The following SPEF2 variants were observed in gnomAD, a reference collection of about 807,000 sequenced individuals.
The protein encoded by SPEF2 is sperm flagellar and cilia associated 2.
SPEF2 carries 187 observed loss-of-function variants against 224.6 expected under a neutral mutation model. That is an observed-to-expected ratio of 0.83 (90% confidence interval 0.74 to 0.94). The LOEUF is 0.94. SPEF2 is among the 40% of genes least tolerant of loss of function. SPEF2 has a pLI of 0.00. For synonymous variants in SPEF2, 715 were observed against 707.3 expected, an observed-to-expected ratio of 1.01 and a Z score of -0.17; for missense variants, 2,170 against 2,135.6, an observed-to-expected ratio of 1.02 and a Z score of -0.32.
chr5:35,777,234 T>C (rs76697015), intron 29 of SPEF2, among the ~76,000 whole-genome samples: 2,267 of 152,294 alleles, frequency 0.015, 50 homozygotes, highest in African/African-American at 0.053. Flanking sequence ...TATGGTTCGT[T>C]TTCTCTGGTC....
At chr5:35,700,471 CA>C in intron 15 of SPEF2, 24 bp from the exon 16 acceptor site, 1 of 1,588,220 alleles carries the variant, frequency 6.3e-7, no homozygotes, top group East Asian at 2.2e-5. Context: ...ACAAAATATT[CA>C]TGAGTTGTCC....
At chr5:35,732,153 A>G (rs1227153552) in intron 21 of SPEF2, among the ~76,000 whole-genome samples, 1 of 152,206 alleles carries the variant, frequency 6.6e-6, no homozygotes, top group Non-Finnish European at 1.5e-5. Context: ...TAGCCTTGAG[A>G]GCAAGGCTGG....
intron 23 of SPEF2, among the ~76,000 whole-genome samples, chr5:35,751,968 T>C (rs560921963): frequency 1.3e-5 from 2 of 152,218 alleles, no homozygotes; most frequent in South Asian, 2.1e-4. Context: ...TCCACAGATA[T>C]TGGTGAGGGG....
rs1374683875 is a variant in SPEF2 at position 35,644,459 on chromosome 5, G to C, written c.519G>C (p.Leu173Phe). Residue 173 changes from leucine to phenylalanine, a missense_variant, in exon 4 of 37, where the codon TTG becomes TTC. Transcript: ENST00000356031. ...YKHVKEDLAH[L>F]HFEKLERFQK... ...ACGTGAAAGAAGATCTTGCCCATTT[G>C]CATTTTGAGAAACTTGAAAGATTTC... 1.2e-6 allele frequency: 2 copies of C among 1,610,768 alleles called. No homozygotes were observed. The highest frequency in any genetic ancestry group is 2.7e-5 in the African/African-American group (2 of 74,708).
intron 23 of SPEF2, among the ~76,000 whole-genome samples, chr5:35,747,439 G>C (rs1748721214): frequency 6.6e-6 from 1 of 152,150 alleles, no homozygotes; most frequent in Non-Finnish European, 1.5e-5. Flanking sequence ...GCTGCTGTCA[G>C]GAGACTCACC....
intron 27 of SPEF2, among the ~76,000 whole-genome samples, chr5:35,773,333 G>A (rs1450114182): frequency 6.6e-6 from 1 of 152,112 alleles, no homozygotes. Context: ...TGAACCATGA[G>A]CATGCAACTG....
intron 11 of SPEF2, among the ~76,000 whole-genome samples, chr5:35,692,015 G>A (rs1754566248): frequency 6.6e-6 from 1 of 151,776 alleles, no homozygotes; most frequent in African/African-American, 2.4e-5. Context: ...GGCCAGGATG[G>A]TCTCAATCTC....
intron 10 of SPEF2, among the ~76,000 whole-genome samples, chr5:35,679,784 G>C (rs749289924): frequency 1.3e-5 from 2 of 152,152 alleles, no homozygotes; most frequent in Non-Finnish European, 2.9e-5. Flanking sequence ...TTCCTGCCTA[G>C]TTTTCTGGCA....
chr5:35,694,318 G>C lies in SPEF2; in HGVS notation c.1930G>C (p.Val644Leu). The change falls in exon 13 of 37, where the codon GTT (valine) becomes CTT (leucine). Residue 644 changes from valine to leucine, a missense_variant. Physicochemically the swap from Val to Leu is conservative, Grantham distance 32. Transcript: ENST00000356031. ...ACAACATGTATTTTCAGCTGGTCCA[G>C]TTTCAGATGAAGTATTACCAGAAAC... ...DPQHVFSAGPVSDEVLPETEG... is the reference protein window; with the variant it reads ...DPQHVFSAGPLSDEVLPETEG... The C allele has an allele frequency of 6.2e-7, 1 of 1,613,606 alleles. No individual in the cohort carries two copies. The highest frequency in any genetic ancestry group is 1.1e-5 in the South Asian group (1 of 91,032).
intron 10 of SPEF2, chr5:35,670,951 C>G: frequency 1.0e-6 from 1 of 985,288 alleles, no homozygotes; most frequent in Non-Finnish European, 1.2e-6. Context: ...AATACATATC[C>G]ATTTCTTTCC....
At position 35,709,098 on chromosome 5, in the gene SPEF2, CTG is replaced by C; in HGVS notation, c.2817_2818del (p.Ala940LysfsTer12). On this transcript the variant is annotated frameshift_variant, in exon 19 of 37. Coordinates refer to ENST00000356031, the MANE Select transcript of SPEF2 (RefSeq NM_024867.4). LOFTEE classifies it high-confidence loss of function. ...AGCCATGTGGCTTCAAAAACTCCTA[CTG>C]CAAAAGGAAAACCTCAATCAGGTGA... 6.2e-7 allele frequency: 1 copy of C among 1,612,518 alleles called. No homozygotes were observed. Among genetic ancestry groups the C allele is most frequent in the Middle Eastern group, 1.7e-4 (1 of 6,058 alleles).
intron 21 of SPEF2, among the ~76,000 whole-genome samples, chr5:35,731,389 C>A (rs1030914409): frequency 6.6e-6 from 1 of 152,150 alleles, no homozygotes. Flanking sequence ...TTTTTAGGTG[C>A]CCAGTACCCC....
At chr5:35,805,560 C>T (rs1757950924) in intron 34 of SPEF2, among the ~76,000 whole-genome samples, 1 of 152,074 alleles carries the variant, frequency 6.6e-6, no homozygotes, top group South Asian at 2.1e-4. Flanking sequence ...GACATCTGGC[C>T]AGCCAAAAAT....
At chr5:35,791,364 T>A (rs1037133710) in intron 30 of SPEF2, 1 of 152,188 alleles carries the variant, frequency 6.6e-6, no homozygotes, top group Non-Finnish European at 1.5e-5. Flanking sequence ...CACTGAGATT[T>A]TAGAAGGATT....
In SPEF2 at chr5:35,753,661, G is replaced by A. The variant is rs79487218; in HGVS notation, c.3368G>A (p.Arg1123Gln). ...CGCCTGTGGGACATTTGTGATGCCC[G>A]GAAGGAAGAGGCGGAGCAGGAGCGG... ...RDRLWDICDA[R>Q]KEEAEQERLD... Residue 1123 changes from arginine to glutamine, a missense_variant, in exon 24 of 37, where the codon CGG becomes CAG. Arg to Gln is a conservative substitution (Grantham distance 43, BLOSUM62 1). Transcript: ENST00000356031. The A allele has an allele frequency of 9.9e-4, 1,603 of 1,614,166 alleles. 30 individuals are homozygous for A. In the East Asian group the frequency reaches 0.028, roughly 28 times the overall value.
At chr5:35,706,477 C>T in intron 18 of SPEF2, among the ~76,000 whole-genome samples, 1 of 152,004 alleles carries the variant, frequency 6.6e-6, no homozygotes, top group Admixed American at 6.5e-5. Context: ...TAACTTCAGT[C>T]CAATATCATA....
chr5:35,661,265 T>G (rs1749673723), intron 8 of SPEF2, among the ~76,000 whole-genome samples: 2 of 14,804 alleles, frequency 1.4e-4, no homozygotes, highest in Admixed American at 1.4e-3. Context: ...TATATATATA[T>G]ATATATATAT....
chr5:35,803,255 A>G (rs1312495783), intron 34 of SPEF2, among the ~76,000 whole-genome samples: 1 of 152,174 alleles, frequency 6.6e-6, no homozygotes, highest in Non-Finnish European at 1.5e-5. Flanking sequence ...GGAAAAAGGA[A>G]GCCTGTGCTA....
chr5:35,811,455 A>G (rs1420466259), intron 36 of SPEF2, among the ~76,000 whole-genome samples: 4 of 152,206 alleles, frequency 2.6e-5, no homozygotes, highest in African/African-American at 4.8e-5. Flanking sequence ...TAATTGTAAT[A>G]ATGCATTTAA....
Sources: gnomAD v4.1 joint callset for allele counts (sites outside exome capture counted in the v4.1 genomes callset) on GRCh38, gnomAD v4.1.1 for gene constraint, MANE v1.5 for transcripts, NCBI Gene and HGNC (gene_info 2026-07-23, HGNC 2026-07-21) for gene names.